Variants in NGB observed in about 807,000 individuals in gnomAD.
NGB encodes neuroglobin, also known as nitrite reductase.
NGB carries 12 observed loss-of-function variants against 17.3 expected under a neutral mutation model. The observed-to-expected ratio is 0.69, with a 90% CI of 0.45 to 1.13. NGB has a LOEUF of 1.13. Ranked by LOEUF, NGB falls within the 50% of genes most tolerant of loss-of-function variation. NGB has a pLI of 0.00. For synonymous variants in NGB, 87 were observed against 81.0 expected (o/e 1.07, Z -0.40); for missense variants, 195 against 191.7 (o/e 1.02, Z -0.10).
At chr14:77,270,275 T>G (rs1013193668) in intron 1 of NGB, among the ~76,000 whole-genome samples, 1 of 141,174 alleles carries the variant, frequency 7.1e-6, no homozygotes, top group Non-Finnish European at 1.5e-5. Context: ...CCCCCACCCC[T>G]CTCCCCTGCG....
At position 77,266,535 on chromosome 14, in the gene NGB, C is replaced by A; in HGVS notation, c.*1G>T. 6.2e-7 allele frequency: 1 copy of A among 1,612,100 alleles called. No homozygotes were observed. Among genetic ancestry groups the A allele is most frequent in the East Asian group, 2.2e-5 (1 of 44,838 alleles). Reference sequence around the variant, plus strand: ...TGGGGGCTGCCGGGCGGGGTCGCCTCTTACTCGCCATCCCAGCCTCGACTC... The same window carrying A: ...TGGGGGCTGCCGGGCGGGGTCGCCTATTACTCGCCATCCCAGCCTCGACTC... On this transcript the variant is annotated 3_prime_UTR_variant, in exon 4 of 4. Transcript: ENST00000298352.
At position 77,266,336 on chromosome 14, in the gene NGB, A is replaced by T; in HGVS notation, c.*200T>A. Reference sequence around the variant, plus strand: ...CTACTGGGGATGAGGGGACACCCAGAAGCCCCTTCCTGGAGGAAAAGCCAC... The same window carrying T: ...CTACTGGGGATGAGGGGACACCCAGTAGCCCCTTCCTGGAGGAAAAGCCAC... On this transcript the variant is annotated 3_prime_UTR_variant, in exon 4 of 4. Coordinates refer to ENST00000298352, the MANE Select transcript of NGB (RefSeq NM_021257.4). 1.2e-6 allele frequency: 1 copy of T among 809,478 alleles called. No individual in the cohort carries two copies. The highest frequency in any genetic ancestry group is 2.2e-6 in the Non-Finnish European group (1 of 446,538). The allele number at this position is 809,478 out of a possible 1,614,324, so 50.1% of individuals were successfully genotyped here.
In NGB at chr14:77,270,899, C is replaced by A; in HGVS notation, c.39G>T (p.Trp13Cys). 1 of 1,583,052 alleles carries A rather than the reference C, an allele frequency of 6.3e-7. No homozygotes were observed. Among genetic ancestry groups the A allele is most frequent in the Non-Finnish European group, 8.5e-7 (1 of 1,171,378 alleles). The part of the protein sequence containing the change: ...RPEPELIRQS[W>C]RAVSRSPLEH... The stretch of plus-strand genomic sequence containing the variant: ...CCAGCGGGCTGCGGCTCACTGCCCG[C>A]CAGCTCTGCCGGATCAGCTCGGGCT... The change falls in exon 1 of 4, where the codon TGG (tryptophan) becomes TGT (cysteine). Residue 13 changes from tryptophan to cysteine, a missense_variant. Coordinates refer to ENST00000298352, the MANE Select transcript of NGB (RefSeq NM_021257.4).
Position 77,270,867 on chromosome 14 carries a change from C to T in NGB, c.71G>A (p.Gly24Asp). The change falls in exon 1 of 4, where the codon GGC becomes GAC. Residue 24 changes from glycine to aspartate, a missense_variant. Gly to Asp is a moderately conservative substitution (Grantham distance 94). Transcript: ENST00000298352. ...CCCTCACCTGGCAAACAGGACGGTG[C>T]CGTGCTCCAGCGGGCTGCGGCTCAC... ...RAVSRSPLEH[G>D]TVLFARLFAL... The T allele has an allele frequency of 6.3e-7, 1 of 1,585,934 alleles. No homozygotes were observed. Among genetic ancestry groups the T allele is most frequent in the East Asian group, 2.3e-5 (1 of 43,812 alleles).
At position 77,269,274 on chromosome 14, in the gene NGB, G is replaced by A. The variant is rs770628022; in HGVS notation, c.142C>T (p.Gln48Ter). 6.4e-7 allele frequency: 1 copy of A among 1,551,954 alleles called. No homozygotes were observed. Among genetic ancestry groups the A allele is most frequent in the South Asian group, 1.2e-5 (1 of 84,060 alleles). The change falls in exon 2 of 4, where the codon CAG becomes TAG. Residue 48 changes from glutamine to a stop codon, truncating the protein, a stop_gained. Transcript: ENST00000298352. LOFTEE classifies it high-confidence loss of function. ...AGACAGTCCTCTGGGCTGGAGAACT[G>A]GCGGCAGTTGTACTGGAAGAGGGGC... is the stretch of plus-strand genomic sequence containing the variant. ...LLPLFQYNCR[Q>*]FSSPEDCLSS...
rs773475357 is a variant in NGB, at chr14:77,268,467, G to C, written c.320C>G (p.Ser107Trp). The C allele has an allele frequency of 6.2e-7, 1 of 1,611,764 alleles. No individual in the cohort carries two copies. Among genetic ancestry groups the C allele is most frequent in the East Asian group, 2.2e-5 (1 of 44,882 alleles). ...RAVGVKLSSF[S>W]TVGESLLYML... ...GAGAGTCAGAGCTCCTTTACCCACC[G>C]AGAAGGAGCTGAGCTTCACACCCAC... Residue 107 changes from serine to tryptophan, a missense_variant and splice_region_variant, in exon 3 of 4, where the codon TCG (serine) becomes TGG (tryptophan). Coordinates refer to ENST00000298352, the MANE Select transcript of NGB (RefSeq NM_021257.4).
rs368017108 is a variant in NGB at position 77,266,503 on chromosome 14, A to T, written c.*33T>A. 1.2e-6 allele frequency: 2 copies of T among 1,601,012 alleles called. No homozygotes were observed. Among genetic ancestry groups the T allele is most frequent in the African/African-American group, 1.3e-5 (1 of 74,812 alleles). On this transcript the variant is annotated 3_prime_UTR_variant, in exon 4 of 4. Coordinates refer to ENST00000298352, the MANE Select transcript of NGB (RefSeq NM_021257.4). ...CAGATACAGGCCAACAGACAGACAC[A>T]GATGGATGGGGGCTGCCGGGCGGGG...
Position 77,266,440 on chromosome 14 carries a change from A to C in NGB, c.*96T>G, listed in dbSNP as rs1889670874. ...CTCCAGTGTGGCCAAGGGGACAAGGACCAAGATGCAGGGAAGCTTGGGGAG... is the reference window on the plus strand; with the variant it reads ...CTCCAGTGTGGCCAAGGGGACAAGGCCCAAGATGCAGGGAAGCTTGGGGAG... On this transcript the variant is annotated 3_prime_UTR_variant, in exon 4 of 4. Transcript: ENST00000298352. 6.5e-7 allele frequency: 1 copy of C among 1,528,254 alleles called. No homozygotes were observed. Among genetic ancestry groups the C allele is most frequent in the Admixed American group, 1.7e-5 (1 of 57,402 alleles). 94.7% of individuals were successfully genotyped at this position (1,528,254 alleles called of 1,614,324 possible). A position where few individuals can be genotyped will look rare whatever the true frequency, so the allele number is the denominator to read the frequency against.
rs1889770227 is a variant in NGB, at chr14:77,271,035, C to T, written c.-98G>A. ...ATCTCCTCCGCGACGCGGTCCCCTCCGCCCCTCGTACGCCCCCCGTGCCTC... is the reference window on the plus strand; with the variant it reads ...ATCTCCTCCGCGACGCGGTCCCCTCTGCCCCTCGTACGCCCCCCGTGCCTC... On this transcript the variant is annotated 5_prime_UTR_variant, in exon 1 of 4. Coordinates refer to ENST00000298352, the MANE Select transcript of NGB (RefSeq NM_021257.4). The T allele has an allele frequency of 4.5e-6, 4 of 887,808 alleles. 1 individual carries two copies. The Admixed American group carries it at 1.0e-4, about 23-fold the overall frequency. The allele number at this position is 887,808 out of a possible 1,614,324, so 55.0% of individuals were successfully genotyped here. A position where few individuals can be genotyped will look rare whatever the true frequency, so the allele number is the denominator to read the frequency against.
rs1231970048 is a variant in NGB, at chr14:77,266,116, G to A, written c.*420C>T. ...AGCAGTGAAGGGACTGGGCAGGCAG[G>A]ACAGAAGGCGCTGGAAGCTCAGCCA... On this transcript the variant is annotated 3_prime_UTR_variant, in exon 4 of 4. Coordinates refer to ENST00000298352, the MANE Select transcript of NGB (RefSeq NM_021257.4). The A allele has an allele frequency of 1.0e-5, 5 of 489,138 alleles. No homozygotes were observed. The highest frequency in any genetic ancestry group is 4.0e-5 in the African/African-American group (2 of 50,542). The allele number at this position is 489,138 out of a possible 1,614,324, so 30.3% of individuals were successfully genotyped here.
chr14:77,266,581 G>A lies in NGB; in HGVS notation c.411C>T (p.Tyr137=), dbSNP rs751777411. 2.0e-5 allele frequency: 32 copies of A among 1,614,030 alleles called. No homozygotes were observed. The highest frequency in any genetic ancestry group is 1.6e-4 in the Middle Eastern group (1 of 6,082). ...GACTCATGGCCTGCACTACGGCCCC[G>A]TAGAGTTGGCTCCAGGCAGCCCGTG... ...PATRAAWSQL[Y]GAVVQAMSRG... Residue 137 remains tyrosine (Y), a synonymous_variant, in exon 4 of 4, where the codon TAC becomes TAT. Coordinates refer to ENST00000298352, the MANE Select transcript of NGB (RefSeq NM_021257.4).
chr14:77,267,143 G>A (rs1889684643), intron 3 of NGB, among the ~76,000 whole-genome samples: 1 of 152,200 alleles, frequency 6.6e-6, no homozygotes, highest in Non-Finnish European at 1.5e-5. Context: ...TGCTTCATCA[G>A]TGATACAGGG....
Position 77,266,372 on chromosome 14 carries a change from G to T in NGB, c.*164C>A. The stretch of plus-strand genomic sequence containing the variant: ...TGGAGGAAAAGCCACTCCTTCTGCA[G>T]CTGGACTCTAGGATACTGAGACCCA... On this transcript the variant is annotated 3_prime_UTR_variant, in exon 4 of 4. Transcript: ENST00000298352. The T allele has an allele frequency of 1.0e-6, 1 of 964,354 alleles. No individual in the cohort carries two copies. Among genetic ancestry groups the T allele is most frequent in the Non-Finnish European group, 1.7e-6 (1 of 589,726 alleles). 59.7% of individuals were successfully genotyped at this position (964,354 alleles called of 1,614,324 possible).
In NGB at chr14:77,270,829, G is replaced by C. The variant is rs553366744; in HGVS notation, c.89+20C>G. 1 of 1,553,206 alleles carries C rather than the reference G, an allele frequency of 6.4e-7. No individual in the cohort carries two copies. ...GAGGCAGCCTCCACCCGCATCCCCG[G>C]GCGCTCGTGTAGCCCTCACCTGGCA... On this transcript the variant is annotated intron_variant, in intron 1 of 3. Coordinates refer to ENST00000298352, the MANE Select transcript of NGB (RefSeq NM_021257.4).
rs369623746 is a variant in NGB, at chr14:77,266,125, C to T, written c.*411G>A. 1.2e-4 allele frequency: 61 copies of T among 498,770 alleles called. 1 individual carries two copies. Among genetic ancestry groups the T allele is most frequent in the East Asian group, 5.7e-4 (10 of 17,562 alleles). The allele number at this position is 498,770 out of a possible 1,614,324, so 30.9% of individuals were successfully genotyped here. ...GGGACTGGGCAGGCAGGACAGAAGG[C>T]GCTGGAAGCTCAGCCATCTCACCCC... On this transcript the variant is annotated 3_prime_UTR_variant, in exon 4 of 4. Coordinates refer to ENST00000298352, the MANE Select transcript of NGB (RefSeq NM_021257.4).
chr14:77,266,978 T>C (rs1889681728), intron 3 of NGB, among the ~76,000 whole-genome samples: 2 of 152,216 alleles, frequency 1.3e-5, no homozygotes, highest in Non-Finnish European at 2.9e-5. Context: ...ACCAAGTCAT[T>C]GCTCCCAGAC....
Position 77,266,272 on chromosome 14 carries a change from G to T in NGB, c.*264C>A. 1.4e-6 allele frequency: 1 copy of T among 697,660 alleles called. No individual in the cohort carries two copies. Among genetic ancestry groups the T allele is most frequent in the Admixed American group, 1.8e-5 (1 of 56,160 alleles). The allele number at this position is 697,660 out of a possible 1,614,324, so 43.2% of individuals were successfully genotyped here. On this transcript the variant is annotated 3_prime_UTR_variant, in exon 4 of 4. Coordinates refer to ENST00000298352, the MANE Select transcript of NGB (RefSeq NM_021257.4). ...CAAAACACTCATCGCGGGGTCAGAG[G>T]GAGTGCCAAAAAAGGTAAAAAGAAA...
chr14:77,269,736 T>C (rs1023815679), intron 1 of NGB, among the ~76,000 whole-genome samples: 12 of 3,262 alleles, frequency 3.7e-3, no homozygotes, highest in Non-Finnish European at 5.9e-3. Flanking sequence ...CTTCTCTCTC[T>C]CTCTCTCTCT....
intron 3 of NGB, among the ~76,000 whole-genome samples, 158 bp from the exon 4 acceptor site, chr14:77,266,828 T>A (rs1033852237): frequency 1.2e-4 from 19 of 152,184 alleles, no homozygotes; most frequent in Admixed American, 6.5e-4. Flanking sequence ...CCTACCCAAA[T>A]CCTTGGGTAT....
Sources: gnomAD v4.1 joint callset for allele counts (sites outside exome capture counted in the v4.1 genomes callset) on GRCh38, gnomAD v4.1.1 for gene constraint, MANE v1.5 for transcripts, NCBI Gene and HGNC (gene_info 2026-07-23, HGNC 2026-07-21) for gene names.